Variants in SMARCAD1 observed in about 807,000 individuals in gnomAD.
SMARCAD1 encodes SNF2 related chromatin remodeling ATPase with DExD box 1.
A neutral mutation model predicts 127.1 loss-of-function variants in SMARCAD1; 25 were observed. That is an observed-to-expected ratio of 0.20 (90% CI 0.14 to 0.27). SMARCAD1 has a LOEUF of 0.27. Ranked by LOEUF, SMARCAD1 falls within the 10% of genes least tolerant of loss-of-function variation. The pLI is 1.00. For synonymous variants in SMARCAD1, 400 were observed against 396.9 expected (o/e 1.01, Z -0.09); for missense variants, 807 against 1,206.0 (o/e 0.67, Z 4.90).
intron 5 of SMARCAD1, among the ~76,000 whole-genome samples, chr4:94,240,296 T>C (rs1747379569): frequency 6.6e-6 from 1 of 152,198 alleles, no homozygotes; most frequent in African/African-American, 2.4e-5. Context: ...TTTGTTTTCT[T>C]CCAGTCACGA....
In SMARCAD1 at chr4:94,279,719, C is replaced by T. The variant is rs1753755505; in HGVS notation, c.2418+669C>T. ...CAGGAACAGTTTGCTAACTCCTAGT[C>T]TAGACTTCCATAATGCACTTCTTTT... On this transcript the variant is annotated intron_variant, in intron 19 of 23. Transcript: ENST00000354268. Among the ~76,000 whole-genome samples, 14 of 152,240 alleles carry T rather than the reference C, an allele frequency of 9.2e-5. No individual in the cohort carries two copies. In the South Asian group the frequency reaches 2.7e-3, roughly 29 times the overall value.
chr4:94,244,964 C>T (rs1344588408), intron 6 of SMARCAD1, among the ~76,000 whole-genome samples: 1 of 152,088 alleles, frequency 6.6e-6, no homozygotes, highest in Non-Finnish European at 1.5e-5. Context: ...TTATCTAAGG[C>T]AGGGTTGCAG....
chr4:94,274,594 G>A lies in SMARCAD1; in HGVS notation c.1673-144G>A, dbSNP rs958277113. 11 of 788,650 alleles carry A rather than the reference G, an allele frequency of 1.4e-5. No individual in the cohort carries two copies. In the Admixed American group the frequency reaches 1.4e-4, roughly 10 times the overall value. 48.9% of individuals were successfully genotyped at this position (788,650 alleles called of 1,614,324 possible). On this transcript the variant is annotated intron_variant, in intron 12 of 23. Coordinates refer to ENST00000354268, the MANE Select transcript of SMARCAD1 (RefSeq NM_020159.5). ...AGCTTCCCAAAGTGTTGGGATTACA[G>A]GCATGAGCCACCTTGCTGGGCCAGT... is the stretch of plus-strand genomic sequence containing the variant.
In SMARCAD1 at chr4:94,233,977, A is replaced by G; in HGVS notation, c.392A>G (p.Glu131Gly). 2 of 1,613,786 alleles carry G rather than the reference A, an allele frequency of 1.2e-6. No individual in the cohort carries two copies. The highest frequency in any genetic ancestry group is 1.7e-6 in the Non-Finnish European group (2 of 1,179,796). The change falls in exon 4 of 24, where the codon GAG (glutamate) becomes GGG (glycine). Residue 131 changes from glutamate to glycine, a missense_variant. Coordinates refer to ENST00000354268, the MANE Select transcript of SMARCAD1 (RefSeq NM_020159.5). The part of the protein sequence containing the change: ...IIVSEPSEDE[E>G]SQGLPTMARR... Reference sequence around the variant, plus strand: ...AGTTCTGAGCCATCTGAAGATGAAGAGTCCCAAGGCCTTCCTACCATGGCA... The same window carrying G: ...AGTTCTGAGCCATCTGAAGATGAAGGGTCCCAAGGCCTTCCTACCATGGCA...
intron 2 of SMARCAD1, among the ~76,000 whole-genome samples, 190 bp from the exon 3 acceptor site, chr4:94,225,929 C>G (rs1744916054): frequency 6.6e-6 from 1 of 152,110 alleles, no homozygotes; most frequent in Non-Finnish European, 1.5e-5. Context: ...TAGTAAACAA[C>G]CTGTGAAACA....
chr4:94,262,201 G>C (rs760149214), intron 9 of SMARCAD1, among the ~76,000 whole-genome samples: 9 of 151,998 alleles, frequency 5.9e-5, no homozygotes, highest in Non-Finnish European at 1.3e-4. Context: ...CTAACCACTG[G>C]CTCTTTCTCG....
chr4:94,281,354 A>G lies in SMARCAD1; in HGVS notation c.2608-118A>G, dbSNP rs1753997197. 5.5e-5 allele frequency: 43 copies of G among 781,560 alleles called. No individual in the cohort carries two copies. In the East Asian group the frequency reaches 1.0e-3, roughly 19 times the overall value. The allele number at this position is 781,560 out of a possible 1,614,324, so 48.4% of individuals were successfully genotyped here. A position where few individuals can be genotyped will look rare whatever the true frequency, so the allele number is the denominator to read the frequency against. ...ATTAAAGAAGCAGTTTATCACAGAG[A>G]ATTTTCTGCAAATTTATCAACATGA... On this transcript the variant is annotated intron_variant, in intron 20 of 23. Coordinates refer to ENST00000354268, the MANE Select transcript of SMARCAD1 (RefSeq NM_020159.5).
Position 94,236,934 on chromosome 4 carries a change from C to A in SMARCAD1, c.538-18C>A. ...TAAAGTGCTGATTTAAAACATTAAT[C>A]TTTTCTCGTTCTGTTAGTTGATTGA... On this transcript the variant is annotated intron_variant, in intron 4 of 23. Transcript: ENST00000354268. The A allele has an allele frequency of 6.2e-7, 1 of 1,600,864 alleles. No homozygotes were observed. The highest frequency in any genetic ancestry group is 8.6e-7 in the Non-Finnish European group (1 of 1,168,758).
chr4:94,278,922 G>A lies in SMARCAD1; in HGVS notation c.2297-7G>A. The A allele has an allele frequency of 6.2e-7, 1 of 1,613,610 alleles. No homozygotes were observed. The highest frequency in any genetic ancestry group is 8.5e-7 in the Non-Finnish European group (1 of 1,179,742). ...TTATTTTTTACTGTGTTCTCTTTGA[G>A]TCACAGAAAAAAACACAGAAATGTG... On this transcript the variant is annotated splice_polypyrimidine_tract_variant and splice_region_variant and intron_variant, in intron 18 of 23. Coordinates refer to ENST00000354268, the MANE Select transcript of SMARCAD1 (RefSeq NM_020159.5).
chr4:94,284,407 A>ATGTTT (rs1443428104), intron 22 of SMARCAD1, among the ~76,000 whole-genome samples: 2 of 149,010 alleles, frequency 1.3e-5, no homozygotes, highest in Non-Finnish European at 3.0e-5. Flanking sequence ...TGTAGTTGTA[A>ATGTTT]TGTTTTGTTT....
chr4:94,225,673 T>C (rs1312195499), intron 2 of SMARCAD1, among the ~76,000 whole-genome samples: 1 of 152,222 alleles, frequency 6.6e-6, no homozygotes, highest in Non-Finnish European at 1.5e-5. Flanking sequence ...ACTAAATGCT[T>C]TACATATATA....
chr4:94,224,514 TGATCACATGA>T (rs1281649171), intron 2 of SMARCAD1, among the ~76,000 whole-genome samples: 1 of 152,224 alleles, frequency 6.6e-6, no homozygotes, highest in Non-Finnish European at 1.5e-5. Flanking sequence ...ACAGCATTTT[TGATCACATGA>T]GATCAGATGT....
chr4:94,240,756 A>G (rs931127469), intron 5 of SMARCAD1, 150 bp from the exon 6 acceptor site: 18 of 635,386 alleles, frequency 2.8e-5, no homozygotes, highest in African/African-American at 2.0e-4. Context: ...TTTTTTTTCA[A>G]TTCAGTCATA....
chr4:94,235,938 A>G (rs959525173), intron 4 of SMARCAD1, among the ~76,000 whole-genome samples: 1 of 152,146 alleles, frequency 6.6e-6, no homozygotes. Flanking sequence ...GTAATTTAGT[A>G]TATCACACAC....
At chr4:94,280,978 AAGTT>A (rs34519004) in intron 20 of SMARCAD1, among the ~76,000 whole-genome samples, 198 bp downstream of exon 20, 57,302 of 151,762 alleles carry the variant, frequency 0.38, 11,756 homozygotes, top group East Asian at 0.71. Context: ...AAACAATAGA[AAGTT>A]AGTAGACTGT....
chr4:94,213,423 T>G (rs1015585708), intron 2 of SMARCAD1, among the ~76,000 whole-genome samples: 2 of 152,110 alleles, frequency 1.3e-5, no homozygotes, highest in African/African-American at 4.8e-5. Flanking sequence ...GGGGGCAGAT[T>G]ATAGAACAGG....
intron 3 of SMARCAD1, among the ~76,000 whole-genome samples, chr4:94,232,158 CG>C (rs1745944580): frequency 6.6e-6 from 1 of 152,124 alleles, no homozygotes; most frequent in Admixed American, 6.6e-5. Context: ...CCACTGCACC[CG>C]GCTGGTTTTT....
intron 6 of SMARCAD1, among the ~76,000 whole-genome samples, chr4:94,249,032 C>T (rs1423429338): frequency 6.6e-6 from 1 of 152,006 alleles, no homozygotes; most frequent in African/African-American, 2.4e-5. Flanking sequence ...GGACTTTAAC[C>T]AGTTTCTTCA....
intron 6 of SMARCAD1, among the ~76,000 whole-genome samples, chr4:94,245,766 A>G (rs916953744): frequency 2.0e-5 from 3 of 152,182 alleles, no homozygotes; most frequent in Admixed American, 6.5e-5. Flanking sequence ...TTCTCTTTTT[A>G]TATGTCACTG....
Sources: gnomAD v4.1 joint callset for allele counts (sites outside exome capture counted in the v4.1 genomes callset) on GRCh38, gnomAD v4.1.1 for gene constraint, MANE v1.5 for transcripts, NCBI Gene and HGNC (gene_info 2026-07-23, HGNC 2026-07-21) for gene names.